Variants in CPS1 observed in about 807,000 individuals in gnomAD.
The protein encoded by CPS1 is carbamoyl-phosphate synthase 1.
A neutral mutation model predicts 174.6 loss-of-function variants in CPS1; 109 were observed. That is an observed-to-expected ratio of 0.62 (90% CI 0.53 to 0.73). CPS1 has a LOEUF of 0.73. Among genes scored for constraint, CPS1 ranks in the 30% least tolerant of loss-of-function variants. The pLI, the probability that CPS1 is intolerant of heterozygous loss-of-function variation, is 0.00. For missense variants in CPS1, 1,689 were observed against 1,821.9 expected, an observed-to-expected ratio of 0.93 and a Z score of 1.33; for synonymous variants, 637 against 632.0, an observed-to-expected ratio of 1.01 and a Z score of -0.12.
chr2:210,671,574 T>C (rs760298459), intron 34 of CPS1: 9 of 152,248 alleles, frequency 5.9e-5, no homozygotes, highest in Non-Finnish European at 8.8e-5. Context: ...ACAGGTATTT[T>C]CAATCAGCTT....
intron 1 of CPS1, among the ~76,000 whole-genome samples, chr2:210,482,867 A>C (rs1194417572): frequency 6.6e-6 from 1 of 152,228 alleles, no homozygotes; most frequent in Non-Finnish European, 1.5e-5. Context: ...ATGTGTACTT[A>C]TAGGTGGTTA....
At chr2:210,644,832 T>G (rs1041385556) in intron 25 of CPS1, among the ~76,000 whole-genome samples, 1 of 152,170 alleles carries the variant, frequency 6.6e-6, no homozygotes, top group Admixed American at 6.5e-5. Flanking sequence ...GTTAGTGATA[T>G]CAGGTTTTAA....
intron 1 of CPS1, among the ~76,000 whole-genome samples, chr2:210,514,244 A>G (rs1695611509): frequency 1.3e-5 from 2 of 152,022 alleles, no homozygotes; most frequent in South Asian, 4.1e-4. Context: ...TTTGATAGGA[A>G]TAGTGTTGAA....
intron 1 of CPS1, among the ~76,000 whole-genome samples, chr2:210,541,501 A>G (rs1482942216): frequency 6.6e-6 from 1 of 152,142 alleles, no homozygotes; most frequent in Non-Finnish European, 1.5e-5. Flanking sequence ...CAGAATAACA[A>G]ACAGAACAAA....
intron 32 of CPS1, 95 bp downstream of exon 32, chr2:210,660,750 C>G: frequency 8.2e-7 from 1 of 1,212,880 alleles, no homozygotes; most frequent in Non-Finnish European, 1.2e-6. Context: ...TTAAAACCTT[C>G]TAACTAAAGG....
chr2:210,652,525 G>T (rs1282301929), intron 28 of CPS1, among the ~76,000 whole-genome samples: 2 of 152,140 alleles, frequency 1.3e-5, no homozygotes, highest in Non-Finnish European at 1.5e-5. Context: ...GAGGTGGAGG[G>T]TGAAAGAGGA....
chr2:210,535,410 G>T (rs1696220164), intron 1 of CPS1, among the ~76,000 whole-genome samples: 1 of 151,952 alleles, frequency 6.6e-6, no homozygotes, highest in Non-Finnish European at 1.5e-5. Flanking sequence ...CTACCTTTTT[G>T]CATTTAAAAA....
Position 210,600,732 on chromosome 2 carries a change from G to C in CPS1, c.1707+20G>C, listed in dbSNP as rs530687501. 6.2e-7 allele frequency: 1 copy of C among 1,610,926 alleles called. No homozygotes were observed. Among genetic ancestry groups the C allele is most frequent in the Non-Finnish European group, 8.5e-7 (1 of 1,177,846 alleles). On this transcript the variant is annotated intron_variant, in intron 15 of 37. Transcript: ENST00000233072. ...GAATCGGTAAGGATTCTTTGCTTTG[G>C]AAAAACAAGGGCATTATTTGTCTTG...
At chr2:210,664,661 T>G (rs1383497437) in intron 33 of CPS1, among the ~76,000 whole-genome samples, 1 of 152,176 alleles carries the variant, frequency 6.6e-6, no homozygotes, top group Non-Finnish European at 1.5e-5. Flanking sequence ...GTGGTTATGT[T>G]CATTCTGCAT....
chr2:210,633,857 C>G (rs1486445615), intron 21 of CPS1, among the ~76,000 whole-genome samples: 1 of 152,174 alleles, frequency 6.6e-6, no homozygotes, highest in Admixed American at 6.5e-5. Flanking sequence ...ACTTATGGTG[C>G]TGCCGTGTTA....
At chr2:210,591,076 A>G (rs1031749759) in intron 9 of CPS1, among the ~76,000 whole-genome samples, 170 bp downstream of exon 9, 1 of 151,448 alleles carries the variant, frequency 6.6e-6, no homozygotes. Context: ...AAATAAAATA[A>G]AAAATAAAAT....
chr2:210,572,628 T>A (rs1208403469), intron 1 of CPS1, among the ~76,000 whole-genome samples: 1 of 152,002 alleles, frequency 6.6e-6, no homozygotes, highest in Non-Finnish European at 1.5e-5. Context: ...AATGCCATAG[T>A]ATAGAGAAGG....
At chr2:210,638,564 T>G (rs777634516) in intron 22 of CPS1, among the ~76,000 whole-genome samples, 5 of 152,206 alleles carry the variant, frequency 3.3e-5, no homozygotes, top group Non-Finnish European at 7.3e-5. Context: ...TTATCTTTCT[T>G]CCTTCTCACC....
chr2:210,635,374 T>A (rs772965018), intron 21 of CPS1, among the ~76,000 whole-genome samples: 1 of 152,222 alleles, frequency 6.6e-6, no homozygotes, highest in African/African-American at 2.4e-5. Flanking sequence ...ATAAAGTGTT[T>A]TGAATCACTA....
intron 1 of CPS1, among the ~76,000 whole-genome samples, chr2:210,537,272 A>G (rs1329163524): frequency 6.6e-6 from 1 of 152,216 alleles, no homozygotes; most frequent in East Asian, 1.9e-4. Flanking sequence ...GAAAAACCCA[A>G]CTATAACTGG....
chr2:210,482,609 T>TTTTTTTTTTTTTTTTTTTTTTTTTTTTTG (rs1318488026), intron 1 of CPS1, among the ~76,000 whole-genome samples: 1 of 152,004 alleles, frequency 6.6e-6, no homozygotes, highest in African/African-American at 2.4e-5. Context: ...ATCTTAATCT[T>TTTTTTTTTTTTTTTTTTTTTTTTTTTTTG]AATGTGATTC....
At chr2:210,658,853 C>T (rs1467185278) in intron 31 of CPS1, among the ~76,000 whole-genome samples, 165 bp downstream of exon 31, 1 of 152,146 alleles carries the variant, frequency 6.6e-6, no homozygotes, top group African/African-American at 2.4e-5. Context: ...TAATGTCTAC[C>T]TTATTTGAAG....
At chr2:210,622,851 G>A (rs192455808) in intron 21 of CPS1, among the ~76,000 whole-genome samples, 2 of 149,692 alleles carry the variant, frequency 1.3e-5, no homozygotes, top group East Asian at 3.9e-4. Context: ...TTATCCCTCT[G>A]GCTGTAACTG....
chr2:210,626,029 C>T (rs1699689366), intron 21 of CPS1, among the ~76,000 whole-genome samples: 1 of 152,046 alleles, frequency 6.6e-6, no homozygotes, highest in Admixed American at 6.6e-5. Flanking sequence ...CTAATATCAT[C>T]CCCCAATTAA....
Sources: allele counts gnomAD v4.1 joint callset (sites outside exome capture counted in the v4.1 genomes callset), GRCh38; gene constraint gnomAD v4.1.1; transcripts MANE v1.5; gene names NCBI Gene and HGNC (gene_info 2026-07-23, HGNC 2026-07-21).